The following CBX2 variants were observed in gnomAD, a reference collection of about 807,000 sequenced individuals.
CBX2 encodes the protein chromobox 2, also known as chromobox protein homolog 2.
Under a neutral mutation model 21.0 loss-of-function variants are expected in CBX2, and 11 were observed. The observed-to-expected ratio is 0.52, with a 90% CI of 0.33 to 0.87. CBX2 has a LOEUF of 0.87. Among genes scored for constraint, CBX2 ranks in the 40% least tolerant of loss-of-function variants. CBX2 has a pLI of 0.02. For missense variants in CBX2, 746 were observed against 724.3 expected (o/e 1.03, Z -0.34); for synonymous variants, 364 against 304.6 (o/e 1.19, Z -2.03).
intron 4 of CBX2, 57 bp from the exon 5 acceptor site, chr17:79,783,675 G>C (rs1907401086): frequency 1.1e-5 from 16 of 1,469,290 alleles, no homozygotes; most frequent in African/African-American, 1.4e-5. Flanking sequence ...CTCCCAAAGT[G>C]CTGGGATTAC....
chr17:79,778,059 G>C (rs1555829268), upstream of CBX2: 1 of 148,644 alleles, frequency 6.7e-6, no homozygotes, highest in African/African-American at 2.5e-5. The surrounding 1 kb of genome is among the most constrained non-coding windows in gnomAD (Gnocchi z 4.8). Flanking sequence ...CACGGGATTT[G>C]GGCAGCGCGC....
intron 4 of CBX2, chr17:79,782,126 GA>G (rs1555830508): frequency 6.2e-7 from 1 of 1,612,990 alleles, no homozygotes; most frequent in East Asian, 2.2e-5. Flanking sequence ...GGACGGAAAG[GA>G]ACAGGAAGCA....
At position 79,787,564 on chromosome 17, in the gene CBX2, A is replaced by G. The variant is rs1217634279; in HGVS notation, c.*2522A>G. On this transcript the variant is annotated 3_prime_UTR_variant, in exon 5 of 5. Transcript: ENST00000310942. ...CAATAAATAAAAGTAGACTTTTTCT[A>G]TTTTTATTTGCTGCTATTTGTGTGT... is the stretch of plus-strand genomic sequence containing the variant. 3.3e-5 allele frequency: 5 copies of G among 152,514 alleles called. No homozygotes were observed. In the East Asian group the frequency reaches 7.7e-4, roughly 24 times the overall value. 9.4% of individuals were successfully genotyped at this position (152,514 alleles called of 1,614,324 possible).
At chr17:79,779,299 C>T in intron 2 of CBX2, 63 bp from the exon 3 acceptor site, 1 of 1,534,458 alleles carries the variant, frequency 6.5e-7, no homozygotes, top group Non-Finnish European at 8.9e-7. Context: ...CCCCCTCGGG[C>T]TGCCTTGCAA....
chr17:79,778,489 G>GC lies in CBX2; in HGVS notation c.116+66dup. Reference sequence around the variant, plus strand: ...CCTCGCCCGGGGGTGGGGACGTGGAGCCCCTCGGCCGCGCCGTCCGGTGGC... The same window carrying GC: ...CCTCGCCCGGGGGTGGGGACGTGGAGCCCCCTCGGCCGCGCCGTCCGGTGGC... On this transcript the variant is annotated intron_variant, in intron 2 of 4. Coordinates refer to ENST00000310942, the MANE Select transcript of CBX2 (RefSeq NM_005189.3). The surrounding 1 kb of genome is among the most constrained non-coding windows in gnomAD (Gnocchi z 4.8). The GC allele has an allele frequency of 8.6e-7, 1 of 1,169,326 alleles. No homozygotes were observed. Among genetic ancestry groups the GC allele is most frequent in the Non-Finnish European group, 1.2e-6 (1 of 854,690 alleles). 72.4% of individuals were successfully genotyped at this position (1,169,326 alleles called of 1,614,324 possible).
intron 3 of CBX2, among the ~76,000 whole-genome samples, chr17:79,780,697 G>C (rs977304997): frequency 2.0e-5 from 3 of 151,958 alleles, no homozygotes; most frequent in African/African-American, 7.3e-5. Flanking sequence ...CAAAATGTTA[G>C]CTCTCTCTGG....
Position 79,778,265 on chromosome 17 carries a change from G to A in CBX2, c.30G>A (p.Gln10=), listed in dbSNP as rs1555829355. The part of the protein sequence containing the change: MEELSSVGE[Q]VFAAECILSK... ...AGGAGCTGAGCAGCGTGGGCGAGCAGGTCTTCGCCGCCGAGTGCATCCTGA... is the reference window on the plus strand; with the variant it reads ...AGGAGCTGAGCAGCGTGGGCGAGCAAGTCTTCGCCGCCGAGTGCATCCTGA... Residue 10 remains glutamine, a synonymous_variant, in exon 1 of 5, where the codon CAG becomes CAA. Transcript: ENST00000310942. This position sits in a 1 kb window ranked among gnomAD's most constrained non-coding sequence, Gnocchi z 4.8. 6.5e-7 allele frequency: 1 copy of A among 1,527,050 alleles called. No homozygotes were observed. The highest frequency in any genetic ancestry group is 8.7e-7 in the Non-Finnish European group (1 of 1,143,240). The allele number at this position is 1,527,050 out of a possible 1,614,324, so 94.6% of individuals were successfully genotyped here. A position where few individuals can be genotyped will look rare whatever the true frequency, so the allele number is the denominator to read the frequency against.
chr17:79,783,487 G>A (rs2145827709), intron 4 of CBX2, among the ~76,000 whole-genome samples: 1 of 150,622 alleles, frequency 6.6e-6, no homozygotes, highest in Admixed American at 6.6e-5. Flanking sequence ...TTGGCTCACT[G>A]CAGCCTCCAC....
At chr17:79,782,438 C>T in intron 4 of CBX2, 2 of 1,298,600 alleles carry the variant, frequency 1.5e-6, no homozygotes, top group Non-Finnish European at 2.0e-6. Context: ...CCCCTCCCTC[C>T]CCTGAGGACA....
intron 3 of CBX2, among the ~76,000 whole-genome samples, chr17:79,780,249 C>T (rs1907074416): frequency 6.6e-6 from 1 of 152,226 alleles, no homozygotes; most frequent in South Asian, 2.1e-4. Context: ...TTGCTGGAGT[C>T]TTTCCCAGCC....
rs1555829595 is a variant in CBX2, at chr17:79,778,804, T to TTTTC, written c.116+385_116+388dup. Among the ~76,000 whole-genome samples the TTTTC allele has an allele frequency of 5.9e-5, 9 of 152,016 alleles. No homozygotes were observed. Among genetic ancestry groups the TTTTC allele is most frequent in the Admixed American group, 5.9e-4 (9 of 15,286 alleles). On this transcript the variant is annotated intron_variant, in intron 2 of 4. Coordinates refer to ENST00000310942, the MANE Select transcript of CBX2 (RefSeq NM_005189.3). This position sits in a 1 kb window ranked among gnomAD's most constrained non-coding sequence, Gnocchi z 4.8. ...TGATGGATGTAGAGTTTCTTTTTTT[T>TTTTC]TTTCTTTCTTTTAATGGAAGGGAGG...
At chr17:79,781,178 A>G (rs1453382159) in intron 3 of CBX2, among the ~76,000 whole-genome samples, 4 of 152,110 alleles carry the variant, frequency 2.6e-5, no homozygotes, top group Admixed American at 6.5e-5. Context: ...TAAAAAGGAA[A>G]CAAGGAGAGT....
intron 4 of CBX2, chr17:79,782,114 G>A (rs1442093129): frequency 6.2e-7 from 1 of 1,613,204 alleles, no homozygotes; most frequent in Non-Finnish European, 8.5e-7. Context: ...GGGGTCCTTG[G>A]GGGACGGAAA....
At chr17:79,781,853 G>C (rs201168057) in intron 4 of CBX2, 52 bp downstream of exon 4, 91 of 1,613,940 alleles carry the variant, frequency 5.6e-5, no homozygotes, top group East Asian at 1.6e-4. Flanking sequence ...CCCCCTTGGC[G>C]TAGGGGGCAG....
intron 3 of CBX2, among the ~76,000 whole-genome samples, chr17:79,781,493 A>G (rs1269160419): frequency 1.3e-5 from 2 of 152,064 alleles, no homozygotes; most frequent in Non-Finnish European, 2.9e-5. Flanking sequence ...TCCTTAGCCA[A>G]ATGAAATGGG....
Position 79,785,113 on chromosome 17 carries a change from C to T in CBX2, c.*71C>T. ...TATGGTGTCGCTTGGCTAAGTGACT[C>T]CCAGCCCAAGCCCCCTCAAGAGTCT... is the stretch of plus-strand genomic sequence containing the variant. On this transcript the variant is annotated 3_prime_UTR_variant, in exon 5 of 5. Transcript: ENST00000310942. The T allele has an allele frequency of 7.4e-7, 1 of 1,342,514 alleles. No homozygotes were observed. Among genetic ancestry groups the T allele is most frequent in the Admixed American group, 1.7e-5 (1 of 59,164 alleles). The allele number at this position is 1,342,514 out of a possible 1,614,324, so 83.2% of individuals were successfully genotyped here. A position where few individuals can be genotyped will look rare whatever the true frequency, so the allele number is the denominator to read the frequency against.
chr17:79,784,617 A>G lies in CBX2; in HGVS notation c.1174A>G (p.Thr392Ala). The G allele has an allele frequency of 6.2e-7, 1 of 1,612,558 alleles. No homozygotes were observed. The change falls in exon 5 of 5, where the codon ACT becomes GCT. Residue 392 changes from threonine (T) to alanine (A), a missense_variant. Physicochemically the swap from Thr to Ala is moderately conservative, Grantham distance 58. Around this residue, in one of 2 missense-constraint regions of CBX2, gnomAD observed 701 missense variants for 650.7 expected, o/e 1.08. Transcript: ENST00000310942. The surrounding 1 kb of genome is among the most constrained non-coding windows in gnomAD (Gnocchi z 5.9). Reference protein sequence around the residue: ...PATNPAPGKGTGSGLIGASGA... With the variant: ...PATNPAPGKGAGSGLIGASGA... ...CACCAACCCAGCCCCTGGGAAGGGC[A>G]CTGGGAGTGGCCTCATTGGGGCCAG...
chr17:79,780,215 T>G (rs1016869652), intron 3 of CBX2, among the ~76,000 whole-genome samples: 2 of 152,216 alleles, frequency 1.3e-5, no homozygotes, highest in Admixed American at 1.3e-4. Flanking sequence ...GGACTTGCCC[T>G]GTGGATAGAG....
chr17:79,784,589 G>A lies in CBX2; in HGVS notation c.1146G>A (p.Pro382=), dbSNP rs562593022. 151 of 1,612,568 alleles carry A rather than the reference G, an allele frequency of 9.4e-5. No homozygotes were observed. The highest frequency in any genetic ancestry group is 9.2e-4 in the Admixed American group (55 of 60,014). The change falls in exon 5 of 5, where the codon CCG becomes CCA. Residue 382 remains proline, a synonymous_variant. Transcript: ENST00000310942. This position sits in a 1 kb window ranked among gnomAD's most constrained non-coding sequence, Gnocchi z 5.9. ...ACGCCACCGCCACCAAGGGTGTCCC[G>A]GCCACCAACCCAGCCCCTGGGAAGG... is the stretch of plus-strand genomic sequence containing the variant. ...ARHATATKGV[P]ATNPAPGKGT...
Sources: allele counts gnomAD v4.1 joint callset (sites outside exome capture counted in the v4.1 genomes callset), GRCh38; gene constraint gnomAD v4.1.1; regional missense constraint gnomAD v4.1.1; non-coding constraint Gnocchi (gnomAD v3.1); transcripts MANE v1.5; gene names NCBI Gene and HGNC (gene_info 2026-07-23, HGNC 2026-07-21).